Variants in PPFIA2 observed in about 807,000 individuals in gnomAD.
PPFIA2 encodes liprin-alpha-2.
Under a neutral mutation model 175.5 loss-of-function variants are expected in PPFIA2, and 46 were observed. The observed-to-expected ratio is 0.26, with a 90% CI of 0.21 to 0.34. The LOEUF is 0.34. PPFIA2 is among the 10% of genes least tolerant of loss of function. The pLI is 1.00. For missense variants in PPFIA2, 1,179 were observed against 1,506.1 expected, an observed-to-expected ratio of 0.78 and a Z score of 3.60; for synonymous variants, 568 against 511.4, an observed-to-expected ratio of 1.11 and a Z score of -1.49.
chr12:81,468,356 C>T (rs538160097), intron 4 of PPFIA2, among the ~76,000 whole-genome samples: 3 of 152,268 alleles, frequency 2.0e-5, no homozygotes, highest in South Asian at 4.1e-4. Context: ...TACATTAGTA[C>T]AATCACCAGG....
intron 7 of PPFIA2, among the ~76,000 whole-genome samples, chr12:81,439,503 T>G (rs1298923170): frequency 6.6e-6 from 1 of 152,098 alleles, no homozygotes; most frequent in Non-Finnish European, 1.5e-5. Flanking sequence ...TTTTGGGGGT[T>G]GTGAATAGTA....
At chr12:81,398,800 G>C (rs1240058642) in intron 8 of PPFIA2, among the ~76,000 whole-genome samples, 1 of 152,022 alleles carries the variant, frequency 6.6e-6, no homozygotes, top group Admixed American at 6.6e-5. Flanking sequence ...ATTTCCCTGT[G>C]GGTAAAGAGC....
intron 4 of PPFIA2, among the ~76,000 whole-genome samples, chr12:81,603,871 T>C (rs904420256): frequency 2.0e-5 from 3 of 149,450 alleles, no homozygotes; most frequent in African/African-American, 7.4e-5. Flanking sequence ...ACCTGTCCCT[T>C]ACTGTTTTCC....
Position 81,278,518 on chromosome 12 carries a change from C to A in PPFIA2, c.3213-1104G>T, listed in dbSNP as rs889938584. The stretch of plus-strand genomic sequence containing the variant: ...TCGTGCCACCGCACTCCACCCTGGG[C>A]AACAGAGTGAGACTCCATCTCCAAA... On this transcript the variant is annotated intron_variant, in intron 27 of 32. Transcript: ENST00000549396. 4.7e-5 allele frequency among the ~76,000 whole-genome samples: 6 copies of A among 126,934 alleles called. No homozygotes were observed. The East Asian group carries it at 9.0e-4, about 19-fold the overall frequency. The allele number at this position is 126,934 out of a possible 152,430, so 83.3% of individuals were successfully genotyped here. A position where few individuals can be genotyped will look rare whatever the true frequency, so the allele number is the denominator to read the frequency against.
chr12:81,573,496 G>A (rs1261542362), intron 4 of PPFIA2, among the ~76,000 whole-genome samples: 1 of 151,852 alleles, frequency 6.6e-6, no homozygotes, highest in Admixed American at 6.6e-5. Flanking sequence ...GTATTAGCAG[G>A]AGTACATTCT....
intron 32 of PPFIA2, chr12:81,260,126 T>G (rs557039415): frequency 6.6e-6 from 1 of 152,606 alleles, no homozygotes; most frequent in African/African-American, 2.4e-5. Context: ...CATTGCTGAT[T>G]GTTTTCAGCC....
intron 3 of PPFIA2, among the ~76,000 whole-genome samples, chr12:81,698,004 T>C (rs2076083764): frequency 6.6e-6 from 1 of 152,152 alleles, no homozygotes; most frequent in African/African-American, 2.4e-5. Context: ...TGAGCAATAT[T>C]TTTAAAGAAG....
chr12:81,471,365 T>G (rs910095938), intron 4 of PPFIA2: 2 of 151,656 alleles, frequency 1.3e-5, no homozygotes, highest in African/African-American at 4.8e-5. Flanking sequence ...GATCTCCCTA[T>G]ATTTCCCAGG....
chr12:81,505,225 CA>C (rs2061020332), intron 4 of PPFIA2, among the ~76,000 whole-genome samples: 1 of 147,178 alleles, frequency 6.8e-6, no homozygotes, highest in Non-Finnish European at 1.5e-5. Context: ...ACCTATGTAA[CA>C]AACCTGCACA....
At chr12:81,294,733 A>G (rs2046069317) in intron 24 of PPFIA2, 102 bp downstream of exon 24, 2 of 1,071,696 alleles carry the variant, frequency 1.9e-6, no homozygotes, top group African/African-American at 3.1e-5. Flanking sequence ...GAATAATTCA[A>G]GCTGACATTG....
At chr12:81,717,503 T>G (rs1174319915) in intron 3 of PPFIA2, among the ~76,000 whole-genome samples, 2 of 151,618 alleles carry the variant, frequency 1.3e-5, no homozygotes. Context: ...AGGGTAAAGG[T>G]GCTGGGTGTA....
chr12:81,557,222 C>T (rs1460915309), intron 4 of PPFIA2, among the ~76,000 whole-genome samples: 1 of 151,166 alleles, frequency 6.6e-6, no homozygotes, highest in Non-Finnish European at 1.5e-5. Flanking sequence ...CACACGTATA[C>T]ATATACATAA....
chr12:81,373,059 GT>G (rs757390842), intron 11 of PPFIA2, among the ~76,000 whole-genome samples: 2 of 151,568 alleles, frequency 1.3e-5, no homozygotes, highest in Non-Finnish European at 3.0e-5. Flanking sequence ...TTAATATAGT[GT>G]TTTTTATGTC....
chr12:81,682,035 T>G (rs2073734071), intron 3 of PPFIA2, among the ~76,000 whole-genome samples: 1 of 152,032 alleles, frequency 6.6e-6, no homozygotes, highest in African/African-American at 2.4e-5. Flanking sequence ...TAATTGTCAA[T>G]TATGGGCATT....
intron 4 of PPFIA2, among the ~76,000 whole-genome samples, chr12:81,529,399 C>A (rs1294225091): frequency 1.3e-5 from 2 of 151,826 alleles, no homozygotes; most frequent in African/African-American, 4.8e-5. Context: ...TTATATTTTT[C>A]TGCTATTTTC....
At chr12:81,684,341 C>A (rs1296439642) in intron 3 of PPFIA2, among the ~76,000 whole-genome samples, 1 of 152,002 alleles carries the variant, frequency 6.6e-6, no homozygotes, top group African/African-American at 2.4e-5. Flanking sequence ...TGGGGACTAG[C>A]AACAGCTAGA....
At chr12:81,595,746 G>A (rs984609182) in intron 4 of PPFIA2, among the ~76,000 whole-genome samples, 1 of 152,040 alleles carries the variant, frequency 6.6e-6, no homozygotes, top group Admixed American at 6.6e-5. Flanking sequence ...AACTGCTTAG[G>A]TCAAATACAT....
chr12:81,397,680 T>C (rs1427676850), intron 8 of PPFIA2, among the ~76,000 whole-genome samples: 1 of 152,006 alleles, frequency 6.6e-6, no homozygotes, highest in African/African-American at 2.4e-5. Flanking sequence ...AAGAATACAG[T>C]CGACCAGGGG....
At chr12:81,304,882 T>C (rs2048773266) in intron 22 of PPFIA2, among the ~76,000 whole-genome samples, 1 of 151,940 alleles carries the variant, frequency 6.6e-6, no homozygotes, top group South Asian at 2.1e-4. Context: ...AATTTGTACA[T>C]TATAAAGGCA....
Sources: gnomAD v4.1 joint callset for allele counts (sites outside exome capture counted in the v4.1 genomes callset) on GRCh38, gnomAD v4.1.1 for gene constraint, MANE v1.5 for transcripts, NCBI Gene and HGNC (gene_info 2026-07-23, HGNC 2026-07-21) for gene names.